Variants in C10orf90 observed in about 807,000 individuals in gnomAD.
The protein encoded by C10orf90 is (E2-independent) E3 ubiquitin-conjugating enzyme FATS.
Under a neutral mutation model 62.5 loss-of-function variants are expected in C10orf90, and 56 were observed. The observed-to-expected ratio is 0.90, with a 90% confidence interval of 0.72 to 1.12. C10orf90 has a LOEUF of 1.12. Among genes scored for constraint, C10orf90 ranks in the 50% most tolerant of loss-of-function variants. The pLI is 0.00. For missense variants in C10orf90, 970 were observed against 880.4 expected (o/e 1.10, Z -1.29); for synonymous variants, 386 against 340.4 (o/e 1.13, Z -1.47).
chr10:126,550,907 C>G (rs1009563907), intron 2 of C10orf90, among the ~76,000 whole-genome samples: 2 of 152,208 alleles, frequency 1.3e-5, no homozygotes, highest in African/African-American at 4.8e-5. Flanking sequence ...CTGCCTTTCT[C>G]TAAACTAGGA....
chr10:126,604,651 G>T (rs1845269409), intron 2 of C10orf90, among the ~76,000 whole-genome samples: 3 of 152,108 alleles, frequency 2.0e-5, no homozygotes. Flanking sequence ...GAGACAATTT[G>T]TTTTTACCAC....
At chr10:126,515,786 A>G (rs1458916959) in intron 2 of C10orf90, among the ~76,000 whole-genome samples, 1 of 152,184 alleles carries the variant, frequency 6.6e-6, no homozygotes, top group Non-Finnish European at 1.5e-5. Context: ...AAGGGCCACC[A>G]TTGACCTGTC....
intron 2 of C10orf90, among the ~76,000 whole-genome samples, chr10:126,628,659 G>C (rs1287783053): frequency 6.6e-6 from 1 of 152,208 alleles, no homozygotes; most frequent in Non-Finnish European, 1.5e-5. Context: ...AGTTCAATAA[G>C]TAATTTGGGG....
In C10orf90 at chr10:126,630,155, T is replaced by C. The variant is rs982117354; in HGVS notation, c.313+16410A>G. 2.6e-5 allele frequency among the ~76,000 whole-genome samples: 4 copies of C among 152,232 alleles called. No homozygotes were observed. The East Asian group carries it at 7.7e-4, about 29-fold the overall frequency. On this transcript the variant is annotated intron_variant, in intron 2 of 9. Transcript: ENST00000488181. ...GTCCCTGTGATGCAGGGACTATAAC[T>C]GTCCCACTTTAATAACAACAAAATG...
chr10:126,451,489 G>A lies in C10orf90; in HGVS notation c.2188+7551C>T, dbSNP rs1034471552. On this transcript the variant is annotated intron_variant, in intron 7 of 9. Coordinates refer to ENST00000488181, the MANE Select transcript of C10orf90 (RefSeq NM_001350921.2). ...TGTGTGTATATGTGTGTGTGTGCATGTGTGTGTGTATTATTGTCCTTCACA... is the reference window on the plus strand; with the variant it reads ...TGTGTGTATATGTGTGTGTGTGCATATGTGTGTGTATTATTGTCCTTCACA... Among the ~76,000 whole-genome samples, 3 of 152,062 alleles carry A rather than the reference G, an allele frequency of 2.0e-5. No individual in the cohort carries two copies. The South Asian group carries it at 6.2e-4, about 32-fold the overall frequency.
chr10:126,476,908 CT>C lies in C10orf90; in HGVS notation c.1535-11923del, dbSNP rs10590718. Among the ~76,000 whole-genome samples, 89 of 120,768 alleles carry C rather than the reference CT, an allele frequency of 7.4e-4. 1 individual carries two copies. The highest frequency in any genetic ancestry group is 2.4e-3 in the Admixed American group (27 of 11,244). 79.2% of individuals were successfully genotyped at this position (120,768 alleles called of 152,430 possible). ...GGAAAATCAATGTATCACCATTTTC[CT>C]TTTTTTTTTTTTTTTTTTGAGGGGG... is the stretch of plus-strand genomic sequence containing the variant. On this transcript the variant is annotated intron_variant, in intron 4 of 9. Transcript: ENST00000488181.
intron 3 of C10orf90, among the ~76,000 whole-genome samples, chr10:126,508,158 T>TGAGA (rs57143666): frequency 0.032 from 4,136 of 131,128 alleles, 75 homozygotes; most frequent in East Asian, 0.053. Context: ...AATGAGTGAG[T>TGAGA]GAGAGAGAGA....
chr10:126,583,095 A>T (rs1844786999), intron 2 of C10orf90, among the ~76,000 whole-genome samples: 1 of 152,216 alleles, frequency 6.6e-6, no homozygotes, highest in African/African-American at 2.4e-5. Flanking sequence ...CTCCATAGTT[A>T]TGACAACCAA....
At position 126,464,893 on chromosome 10, in the gene C10orf90, C is replaced by T; in HGVS notation, c.1628G>A (p.Arg543Lys). Reference protein sequence around the residue: ...SAPPVEQKPTRHFLPIGDSSP... With the variant: ...SAPPVEQKPTKHFLPIGDSSP... ...GCTATCCCCAATGGGAAGGAAATGT[C>T]TAGTGGGCTTCTGTTCCACTGGAGG... Residue 543 changes from arginine (R) to lysine (K), a missense_variant, in exon 5 of 10, where the codon AGA (arginine) becomes AAA (lysine). By Grantham distance (26) the Arg-to-Lys change is conservative. Transcript: ENST00000488181. 1 of 1,614,112 alleles carries T rather than the reference C, an allele frequency of 6.2e-7. No homozygotes were observed. The highest frequency in any genetic ancestry group is 8.5e-7 in the Non-Finnish European group (1 of 1,179,960).
intron 4 of C10orf90, among the ~76,000 whole-genome samples, chr10:126,503,124 G>A (rs1002201610): frequency 6.6e-6 from 1 of 152,096 alleles, no homozygotes; most frequent in Non-Finnish European, 1.5e-5. Flanking sequence ...TCATAAACCA[G>A]AGCCTCTTGC....
intron 4 of C10orf90, among the ~76,000 whole-genome samples, chr10:126,496,889 G>A (rs1862091503): frequency 6.6e-6 from 1 of 152,214 alleles, no homozygotes; most frequent in Non-Finnish European, 1.5e-5. Flanking sequence ...TGGGTAAGAT[G>A]AGGTCAATGC....
chr10:126,437,171 G>A (rs1300750569), intron 7 of C10orf90, among the ~76,000 whole-genome samples: 2 of 152,186 alleles, frequency 1.3e-5, no homozygotes, highest in African/African-American at 4.8e-5. Flanking sequence ...CTCAAAGTAA[G>A]TAGACAAGAG....
chr10:126,646,983 G>C (rs780060565), intron 1 of C10orf90, among the ~76,000 whole-genome samples: 10 of 152,126 alleles, frequency 6.6e-5, no homozygotes, highest in Non-Finnish European at 1.5e-4. Context: ...GTGCTGAATG[G>C]GTGCTGGGCT....
chr10:126,606,864 T>A (rs1845323538), intron 2 of C10orf90, among the ~76,000 whole-genome samples: 1 of 152,182 alleles, frequency 6.6e-6, no homozygotes, highest in South Asian at 2.1e-4. Flanking sequence ...TAGATGTAAC[T>A]GATGATCCTC....
intron 2 of C10orf90, among the ~76,000 whole-genome samples, chr10:126,551,490 T>G (rs1212937123): frequency 6.6e-6 from 1 of 152,196 alleles, no homozygotes; most frequent in Non-Finnish European, 1.5e-5. Flanking sequence ...ATTGAATTCC[T>G]GAATGGTTAA....
At chr10:126,438,280 C>A (rs1858055024) in intron 7 of C10orf90, among the ~76,000 whole-genome samples, 2 of 152,200 alleles carry the variant, frequency 1.3e-5, no homozygotes, top group African/African-American at 4.8e-5. Context: ...GGTAAGACCA[C>A]TTTCTGACAG....
intron 4 of C10orf90, chr10:126,502,521 G>A (rs527275166): frequency 1.0e-4 from 16 of 159,374 alleles, no homozygotes; most frequent in Non-Finnish European, 2.1e-4. Flanking sequence ...GTAAGTTGGG[G>A]GAAGTGTCCA....
chr10:126,492,555 A>C (rs1435059159), intron 4 of C10orf90, among the ~76,000 whole-genome samples: 1 of 152,234 alleles, frequency 6.6e-6, no homozygotes, highest in Non-Finnish European at 1.5e-5. Flanking sequence ...TAAAAAGTAA[A>C]ATACAGGTTA....
intron 2 of C10orf90, among the ~76,000 whole-genome samples, chr10:126,632,596 A>C (rs1047680160): frequency 2.0e-5 from 3 of 152,024 alleles, no homozygotes; most frequent in African/African-American, 7.2e-5. Context: ...GGTCCCAGAC[A>C]CTATGCACTA....
Sources: gnomAD v4.1 joint callset for allele counts (sites outside exome capture counted in the v4.1 genomes callset) on GRCh38, gnomAD v4.1.1 for gene constraint, MANE v1.5 for transcripts, NCBI Gene and HGNC (gene_info 2026-07-23, HGNC 2026-07-21) for gene names.